Variants in LINGO2 observed in about 807,000 individuals in gnomAD.
The protein encoded by LINGO2 is leucine rich repeat and Ig domain containing 2.
In LINGO2, 14 loss-of-function variants were observed where a neutral mutation model predicts 30.6. That is an observed-to-expected ratio of 0.46 (90% CI 0.30 to 0.72). The LOEUF (loss-of-function observed/expected upper bound fraction) is 0.72. LINGO2 is among the 30% of genes least tolerant of loss of function. LINGO2 has a pLI of 0.07. For missense variants in LINGO2, 729 were observed against 751.7 expected (o/e 0.97, Z 0.35); for synonymous variants, 317 against 288.5 (o/e 1.10, Z -1.00).
intron 2 of LINGO2, among the ~76,000 whole-genome samples, chr9:28,380,427 A>G (rs906258984): frequency 2.0e-5 from 3 of 151,102 alleles, no homozygotes; most frequent in Admixed American, 1.3e-4. Flanking sequence ...TCTTTAAAAT[A>G]CAATACTTCA....
In LINGO2 at chr9:28,314,920, G is replaced by C. The variant is rs566791969; in HGVS notation, c.-245-19554C>G. Among the ~76,000 whole-genome samples the C allele has an allele frequency of 2.3e-3, 341 of 150,732 alleles. 2 individuals carry two copies. The highest frequency in any genetic ancestry group is 8.1e-3 in the African/African-American group (331 of 41,048). On this transcript the variant is annotated intron_variant, in intron 3 of 5. Transcript: ENST00000379992. ...GAATGGCGTGAACCCGGGAGGCGGA[G>C]CTTGCAGTGAGCCGAGATGGCGGAG...
chr9:28,364,764 G>A (rs910063725), intron 3 of LINGO2, among the ~76,000 whole-genome samples: 1 of 152,162 alleles, frequency 6.6e-6, no homozygotes, highest in Non-Finnish European at 1.5e-5. Flanking sequence ...TAAATATTTT[G>A]CATTACAATT....
the LINGO2 span, among the ~76,000 whole-genome samples, chr9:29,098,533 A>T: frequency 6.6e-6 from 1 of 151,936 alleles, no homozygotes; most frequent in African/African-American, 2.4e-5. Flanking sequence ...GAAGTAGACA[A>T]ACTTTCAGCA....
the LINGO2 span, among the ~76,000 whole-genome samples, chr9:28,840,686 T>C: frequency 7.9e-5 from 12 of 152,084 alleles, 1 homozygote; most frequent in African/African-American, 2.9e-4. Context: ...AAAAGTTAAT[T>C]AATGCTTATT....
chr9:28,824,820 G>T, the LINGO2 span, among the ~76,000 whole-genome samples: 1 of 152,182 alleles, frequency 6.6e-6, no homozygotes, highest in Admixed American at 6.5e-5. Context: ...ACCATGAGTT[G>T]AAGAAAGGAT....
chr9:28,908,817 A>G, the LINGO2 span, among the ~76,000 whole-genome samples: 1 of 151,942 alleles, frequency 6.6e-6, no homozygotes, highest in Non-Finnish European at 1.5e-5. Flanking sequence ...CTTTGCTACA[A>G]TGAAATTCAA....
the LINGO2 span, among the ~76,000 whole-genome samples, chr9:29,003,128 G>C: frequency 6.6e-6 from 1 of 151,966 alleles, no homozygotes; most frequent in Admixed American, 6.6e-5. Context: ...GAATGGAACA[G>C]ATTCTCCCCT....
At chr9:28,702,885 C>T in the LINGO2 span, among the ~76,000 whole-genome samples, 1 of 151,760 alleles carries the variant, frequency 6.6e-6, no homozygotes, top group East Asian at 1.9e-4. Context: ...AGAAATTTGG[C>T]CATTTCATCT....
chr9:28,915,871 T>C, the LINGO2 span, among the ~76,000 whole-genome samples: 2 of 152,214 alleles, frequency 1.3e-5, no homozygotes, highest in Admixed American at 1.3e-4. Context: ...ACATAACTGA[T>C]AAAATCTTCA....
chr9:28,044,134 C>T (rs1212292886), intron 4 of LINGO2, among the ~76,000 whole-genome samples: 2 of 152,092 alleles, frequency 1.3e-5, no homozygotes, highest in Non-Finnish European at 2.9e-5. Context: ...TGTGTGTTTG[C>T]TTAAATCTTG....
the LINGO2 span, among the ~76,000 whole-genome samples, chr9:29,178,777 G>C: frequency 2.0e-5 from 3 of 151,988 alleles, no homozygotes; most frequent in Non-Finnish European, 2.9e-5. Flanking sequence ...AGAGCCACCA[G>C]GAAGAGGAAA....
intron 4 of LINGO2, among the ~76,000 whole-genome samples, chr9:28,079,184 TAAAAAGATGAA>T (rs1308249471): frequency 1.5e-5 from 2 of 135,216 alleles, no homozygotes; most frequent in African/African-American, 7.8e-5. Context: ...CCCAACTGCC[TAAAAAGATGAA>T]ATTTAATATA....
intron 1 of LINGO2, among the ~76,000 whole-genome samples, chr9:28,638,190 A>G (rs147621489): frequency 2.6e-5 from 4 of 152,156 alleles, no homozygotes; most frequent in African/African-American, 9.6e-5. Context: ...TATGGTGGAT[A>G]AGTTTTGATG....
At chr9:28,209,586 T>C (rs1820522270) in intron 4 of LINGO2, among the ~76,000 whole-genome samples, 6 of 151,960 alleles carry the variant, frequency 3.9e-5, no homozygotes, top group Admixed American at 3.9e-4. Flanking sequence ...AGTAATAGTT[T>C]AATTTAATAA....
At chr9:28,380,791 G>T (rs1420312968) in intron 2 of LINGO2, among the ~76,000 whole-genome samples, 2 of 152,090 alleles carry the variant, frequency 1.3e-5, no homozygotes, top group Non-Finnish European at 2.9e-5. Flanking sequence ...TAGAACAGCT[G>T]CAGTCTAGGC....
At chr9:28,355,456 C>A (rs928006823) in intron 3 of LINGO2, among the ~76,000 whole-genome samples, 9 of 150,546 alleles carry the variant, frequency 6.0e-5, no homozygotes, top group Middle Eastern at 3.2e-3. Flanking sequence ...CATTCGCCCC[C>A]TAAAGTGCTG....
chr9:28,273,804 A>G (rs888152043), intron 4 of LINGO2, among the ~76,000 whole-genome samples: 2 of 152,182 alleles, frequency 1.3e-5, no homozygotes, highest in African/African-American at 4.8e-5. Flanking sequence ...CTTTATTCAG[A>G]GAGTAAATCT....
chr9:28,239,151 G>C (rs930449740), intron 4 of LINGO2, among the ~76,000 whole-genome samples: 9 of 151,960 alleles, frequency 5.9e-5, no homozygotes, highest in African/African-American at 2.2e-4. Context: ...GTAATAAAAA[G>C]TCTCCTAGTA....
At chr9:27,956,123 A>C (rs1003526985) in intron 5 of LINGO2, among the ~76,000 whole-genome samples, 2 of 152,084 alleles carry the variant, frequency 1.3e-5, no homozygotes, top group Admixed American at 1.3e-4. Flanking sequence ...TATTTTTAGC[A>C]GAGACGGGGT....
Sources: allele counts gnomAD v4.1 joint callset (sites outside exome capture counted in the v4.1 genomes callset), GRCh38; gene constraint gnomAD v4.1.1; transcripts MANE v1.5; gene names NCBI Gene and HGNC (gene_info 2026-07-23, HGNC 2026-07-21).